CLSTN1: variants seen among roughly 807,000 people sequenced by gnomAD.
The protein encoded by CLSTN1 is calsyntenin 1, also known as calsyntenin-1.
In CLSTN1, 28 loss-of-function variants were observed where a neutral mutation model predicts 108.3. That is an observed-to-expected ratio of 0.26 (90% confidence interval 0.19 to 0.35). CLSTN1 has a LOEUF of 0.35. Ranked by LOEUF, CLSTN1 falls within the 10% of genes least tolerant of loss-of-function variation. CLSTN1 has a pLI of 1.00. For missense variants in CLSTN1, 1,157 were observed against 1,302.6 expected (o/e 0.89, Z 1.72); for synonymous variants, 524 against 534.9 (o/e 0.98, Z 0.28).
At chr1:9,742,378 G>A (rs1037259222) in intron 9 of CLSTN1, among the ~76,000 whole-genome samples, 4 of 152,100 alleles carry the variant, frequency 2.6e-5, no homozygotes, top group Non-Finnish European at 1.5e-5. Flanking sequence ...CAGTGAATAG[G>A]GGTAACAATG....
chr1:9,772,568 C>T (rs902693382), intron 2 of CLSTN1, among the ~76,000 whole-genome samples: 6 of 152,158 alleles, frequency 3.9e-5, no homozygotes, highest in African/African-American at 9.7e-5. Context: ...AAAAAGGTGG[C>T]GCAGCCCATT....
chr1:9,810,605 T>C (rs1654713550), intron 1 of CLSTN1, among the ~76,000 whole-genome samples: 1 of 151,150 alleles, frequency 6.6e-6, no homozygotes, highest in Non-Finnish European at 1.5e-5. Context: ...TGAAACCCCA[T>C]CTCTACTAAA....
At chr1:9,813,027 G>C (rs933010307) in intron 1 of CLSTN1, among the ~76,000 whole-genome samples, 2 of 149,758 alleles carry the variant, frequency 1.3e-5, no homozygotes, top group African/African-American at 4.9e-5. Flanking sequence ...AGCCAGGCAT[G>C]GTGGCGGGTG....
chr1:9,783,505 A>T (rs1378588718), intron 1 of CLSTN1, among the ~76,000 whole-genome samples: 2 of 152,158 alleles, frequency 1.3e-5, no homozygotes, highest in Non-Finnish European at 2.9e-5. Context: ...GGATCACCTG[A>T]GGTCAGGAGT....
chr1:9,758,050 G>T (rs1201879043), intron 2 of CLSTN1, among the ~76,000 whole-genome samples: 1 of 152,132 alleles, frequency 6.6e-6, no homozygotes, highest in East Asian at 1.9e-4. Context: ...CCAGGATGGA[G>T]TAACAAGATC....
intron 1 of CLSTN1, among the ~76,000 whole-genome samples, chr1:9,809,843 G>C (rs912067204): frequency 2.0e-5 from 3 of 150,172 alleles, no homozygotes; most frequent in Admixed American, 6.7e-5. Context: ...AGAGGTTGCA[G>C]TGAACCGAGA....
At chr1:9,809,511 T>G (rs1277467552) in intron 1 of CLSTN1, among the ~76,000 whole-genome samples, 1 of 152,136 alleles carries the variant, frequency 6.6e-6, no homozygotes, top group Admixed American at 6.6e-5. Context: ...CCAGGCAGGG[T>G]GGCTCATGCC....
chr1:9,802,198 T>C (rs893143021), intron 1 of CLSTN1, among the ~76,000 whole-genome samples: 1 of 152,204 alleles, frequency 6.6e-6, no homozygotes, highest in Non-Finnish European at 1.5e-5. Flanking sequence ...TGCTCCACTA[T>C]GCTCTTGCAG....
At chr1:9,814,368 C>A (rs1051497750) in intron 1 of CLSTN1, among the ~76,000 whole-genome samples, 1 of 151,748 alleles carries the variant, frequency 6.6e-6, no homozygotes, top group East Asian at 1.9e-4. Context: ...GAGCTGAGAT[C>A]GTGCCACTGC....
intron 2 of CLSTN1, among the ~76,000 whole-genome samples, chr1:9,772,140 CTTTTTT>C (rs57522417): frequency 9.7e-5 from 3 of 30,918 alleles, no homozygotes; most frequent in Non-Finnish European, 1.6e-4. Context: ...CCACACCCGG[CTTTTTT>C]TTTTTTTTTT....
rs2101247186 is a variant in CLSTN1 at position 9,796,219 on chromosome 1, G to A, written c.92-22825C>T. On this transcript the variant is annotated intron_variant, in intron 1 of 18. Transcript: ENST00000377298. ...AGAGGTTGCAGTGAGCGGAGATCAT[G>A]CCACCGCACTCCAGCCTGGGCGACA... 1.4e-5 allele frequency among the ~76,000 whole-genome samples: 2 copies of A among 146,534 alleles called. 1 individual carries two copies. The highest frequency in any genetic ancestry group is 4.2e-4 in the East Asian group (2 of 4,778).
At chr1:9,793,747 G>C (rs1653869544) in intron 1 of CLSTN1, among the ~76,000 whole-genome samples, 1 of 151,472 alleles carries the variant, frequency 6.6e-6, no homozygotes. Flanking sequence ...AGCCACTGCT[G>C]CTATCTTGTG....
At chr1:9,766,532 C>T (rs1238470464) in intron 2 of CLSTN1, among the ~76,000 whole-genome samples, 2 of 152,040 alleles carry the variant, frequency 1.3e-5, no homozygotes, top group Non-Finnish European at 2.9e-5. Context: ...TGGTGGTGCA[C>T]GCCTGTGATC....
intron 1 of CLSTN1, among the ~76,000 whole-genome samples, chr1:9,811,238 A>G (rs1654743982): frequency 6.6e-6 from 1 of 152,124 alleles, no homozygotes; most frequent in South Asian, 2.1e-4. Context: ...AGTGGTACTT[A>G]CTCCAATTTA....
intron 1 of CLSTN1, among the ~76,000 whole-genome samples, chr1:9,796,053 G>C (rs1386737913): frequency 6.6e-6 from 1 of 150,782 alleles, no homozygotes; most frequent in Non-Finnish European, 1.5e-5. Flanking sequence ...CTTGAAGTCA[G>C]GAGTTTGAGA....
chr1:9,772,140 C>CTTT (rs57522417), intron 2 of CLSTN1, among the ~76,000 whole-genome samples: 1 of 30,918 alleles, frequency 3.2e-5, no homozygotes, highest in African/African-American at 1.5e-4. Flanking sequence ...CCACACCCGG[C>CTTT]TTTTTTTTTT....
intron 1 of CLSTN1, among the ~76,000 whole-genome samples, chr1:9,786,384 G>A (rs1653487922): frequency 1.3e-5 from 2 of 152,138 alleles, no homozygotes; most frequent in East Asian, 1.9e-4. Flanking sequence ...GCTCATGCCT[G>A]TAATCCCAGC....
rs753933555 is a variant in CLSTN1 at position 9,751,639 on chromosome 1, C to A, written c.483G>T (p.Ala161=). 9.8e-5 allele frequency: 158 copies of A among 1,613,974 alleles called. No individual in the cohort carries two copies. The highest frequency in any genetic ancestry group is 1.3e-4 in the Non-Finnish European group (154 of 1,180,034). The part of the protein sequence containing the change: ...HIQVNDVNEY[A]PVFKEKSYKA... ...TGTAGGACTTCTCCTTGAACACGGG[C>A]GCGTACTCATTCACGTCGTTCACCT... Residue 161 remains alanine, a synonymous_variant, in exon 5 of 19, where the codon GCG becomes GCT. Coordinates refer to ENST00000377298, the MANE Select transcript of CLSTN1 (RefSeq NM_001009566.3).
chr1:9,731,999 G>A (rs1396365605), intron 16 of CLSTN1, 103 bp from the exon 17 acceptor site: 10 of 1,438,792 alleles, frequency 7.0e-6, no homozygotes, highest in Non-Finnish European at 9.7e-6. Flanking sequence ...CACTCAGAGT[G>A]GCTCCTGGAC....
Sources: gnomAD v4.1 joint callset for allele counts (sites outside exome capture counted in the v4.1 genomes callset) on GRCh38, gnomAD v4.1.1 for gene constraint, MANE v1.5 for transcripts, NCBI Gene and HGNC (gene_info 2026-07-23, HGNC 2026-07-21) for gene names.